The following ERMAP variants were observed in gnomAD, a reference collection of about 807,000 sequenced individuals.
ERMAP encodes erythroid membrane-associated protein.
A neutral mutation model predicts 49.5 loss-of-function variants in ERMAP; 34 were observed. The observed-to-expected ratio is 0.69, with a 90% CI of 0.52 to 0.91. The LOEUF is 0.91. Among genes scored for constraint, ERMAP ranks in the 40% least tolerant of loss-of-function variants. ERMAP has a pLI of 0.00. For synonymous variants in ERMAP, 214 were observed against 232.2 expected (o/e 0.92, Z 0.71); for missense variants, 541 against 582.6 (o/e 0.93, Z 0.74).
chr1:42,821,784 G>T (rs1024376168), intron 1 of ERMAP, among the ~76,000 whole-genome samples: 1 of 152,098 alleles, frequency 6.6e-6, no homozygotes, highest in South Asian at 2.1e-4. Context: ...GCCAAGGTGC[G>T]AGGATCACTT....
chr1:42,825,980 C>A (rs1654534147), intron 2 of ERMAP, among the ~76,000 whole-genome samples: 1 of 152,150 alleles, frequency 6.6e-6, no homozygotes, highest in Non-Finnish European at 1.5e-5. Context: ...TTAAAGCCAA[C>A]ATTTATTTAG....
intron 7 of ERMAP, among the ~76,000 whole-genome samples, 192 bp downstream of exon 7, chr1:42,837,382 A>C (rs1284362200): frequency 6.6e-6 from 1 of 152,158 alleles, no homozygotes; most frequent in Admixed American, 6.5e-5. Context: ...GCAGTGGGTA[A>C]GGAGGTGCCC....
At chr1:42,825,896 A>T in intron 2 of ERMAP, 158 bp downstream of exon 2, 1 of 884,838 alleles carries the variant, frequency 1.1e-6, no homozygotes, top group Non-Finnish European at 1.5e-6. Flanking sequence ...ACACAAAAGG[A>T]GACAAGTGAC....
intron 7 of ERMAP, among the ~76,000 whole-genome samples, chr1:42,838,148 C>T (rs1654955522): frequency 6.6e-6 from 1 of 152,162 alleles, no homozygotes; most frequent in Non-Finnish European, 1.5e-5. Context: ...GGATTCAGTG[C>T]CTACTTCAGT....
chr1:42,830,190 A>T (rs1029851700), intron 2 of ERMAP: 6 of 512,578 alleles, frequency 1.2e-5, no homozygotes, highest in Non-Finnish European at 1.8e-5. Flanking sequence ...GTGAGCATTT[A>T]CCTCTTTCAA....
chr1:42,822,847 C>T (rs1654439735), intron 1 of ERMAP, among the ~76,000 whole-genome samples: 1 of 152,036 alleles, frequency 6.6e-6, no homozygotes, highest in Non-Finnish European at 1.5e-5. Context: ...TTTTTAACAT[C>T]TAACTATGAG....
chr1:42,836,956 A>G, intron 6 of ERMAP: 1 of 538,564 alleles, frequency 1.9e-6, no homozygotes, highest in East Asian at 3.0e-5. Flanking sequence ...TTTAGTAGAG[A>G]CCAGAGGGAT....
chr1:42,820,084 A>G (rs1480601549), intron 1 of ERMAP, among the ~76,000 whole-genome samples: 3 of 152,166 alleles, frequency 2.0e-5, no homozygotes, highest in Non-Finnish European at 1.5e-5. Context: ...AGATTTCCAC[A>G]TTGGAAATTA....
Position 42,819,858 on chromosome 1 carries a change from G to T in ERMAP, c.-122+2605G>T, listed in dbSNP as rs1403269142. 6.6e-6 allele frequency among the ~76,000 whole-genome samples: 1 copy of T among 151,950 alleles called. No homozygotes were observed. The highest frequency in any genetic ancestry group is 1.5e-5 in the Non-Finnish European group (1 of 67,984). On this transcript the variant is annotated intron_variant, in intron 1 of 11. Coordinates refer to ENST00000372517, the MANE Select transcript of ERMAP (RefSeq NM_001017922.2). The surrounding 1 kb of genome is among the most constrained non-coding windows in gnomAD (Gnocchi z 5.1). ...CCTTGCTTCACAGCTCTTGTCCTAG[G>T]ATTAGGGACCTAACCACATTCTGGG...
At chr1:42,837,280 T>C in intron 7 of ERMAP, 90 bp downstream of exon 7, 2 of 1,380,604 alleles carry the variant, frequency 1.4e-6, no homozygotes. Context: ...TATAAGTCTA[T>C]TTTTATAATA....
chr1:42,842,939 C>T lies in ERMAP; in HGVS notation c.1135C>T (p.His379Tyr). ...TTTCTACAATGTGACCAACAAGTCC[C>T]ACATCTTTACTTTCACCCACAATTT... The part of the protein sequence containing the change: ...ISFYNVTNKS[H>Y]IFTFTHNFSG... The change falls in exon 12 of 12, where the codon CAC becomes TAC. Residue 379 changes from histidine (H) to tyrosine (Y), a missense_variant. His to Tyr is a moderately conservative substitution (Grantham distance 83). Coordinates refer to ENST00000372517, the MANE Select transcript of ERMAP (RefSeq NM_001017922.2). 1.2e-6 allele frequency: 2 copies of T among 1,614,194 alleles called. No individual in the cohort carries two copies. The highest frequency in any genetic ancestry group is 1.7e-5 in the Admixed American group (1 of 60,028).
chr1:42,844,665 C>T lies in ERMAP; in HGVS notation c.*1433C>T, dbSNP rs1655163379. 1 of 152,286 alleles carries T rather than the reference C, an allele frequency of 6.6e-6. No homozygotes were observed. Among genetic ancestry groups the T allele is most frequent in the Non-Finnish European group, 1.5e-5 (1 of 68,110 alleles). 9.4% of individuals were successfully genotyped at this position (152,286 alleles called of 1,614,324 possible). ...TTCAAGTCCGAAGGCAAGGAAAAAGCTGATGGTCCTGTCCAAAGGCTATTA... is the reference window on the plus strand; with the variant it reads ...TTCAAGTCCGAAGGCAAGGAAAAAGTTGATGGTCCTGTCCAAAGGCTATTA... On this transcript the variant is annotated 3_prime_UTR_variant, in exon 12 of 12. Coordinates refer to ENST00000372517, the MANE Select transcript of ERMAP (RefSeq NM_001017922.2). The surrounding 1 kb of genome is among the most constrained non-coding windows in gnomAD (Gnocchi z 4.0).
At chr1:42,824,740 C>T (rs1332756996) in intron 1 of ERMAP, 2 of 152,272 alleles carry the variant, frequency 1.3e-5, no homozygotes, top group East Asian at 1.9e-4. Flanking sequence ...TCGAATACAG[C>T]TCAGAGCTGA....
chr1:42,837,286 T>G, intron 7 of ERMAP, 96 bp downstream of exon 7: 1 of 1,351,740 alleles, frequency 7.4e-7, no homozygotes, highest in Non-Finnish European at 1.0e-6. Flanking sequence ...TCTATTTTTA[T>G]AATACTGTAC....
chr1:42,817,238 C>A lies in ERMAP; in HGVS notation c.-137C>A. 8.0e-7 allele frequency: 1 copy of A among 1,255,306 alleles called. No homozygotes were observed. Among genetic ancestry groups the A allele is most frequent in the Non-Finnish European group, 1.0e-6 (1 of 973,516 alleles). The allele number at this position is 1,255,306 out of a possible 1,614,324, so 77.8% of individuals were successfully genotyped here. A position where few individuals can be genotyped will look rare whatever the true frequency, so the allele number is the denominator to read the frequency against. ...GTTGGAGCCTCCGCCGAGTCGCAGA[C>A]AACGCCTCCGGGAGGGTAATCCTCG... On this transcript the variant is annotated 5_prime_UTR_variant, in exon 1 of 12. Coordinates refer to ENST00000372517, the MANE Select transcript of ERMAP (RefSeq NM_001017922.2).
At position 42,844,159 on chromosome 1, in the gene ERMAP, T is replaced by C. The variant is rs756952804; in HGVS notation, c.*927T>C. ...TTTTTTCCCCACAAGACCATTGTAC[T>C]GCAATACTTGAGTATTTGTGTAGCA... is the stretch of plus-strand genomic sequence containing the variant. On this transcript the variant is annotated 3_prime_UTR_variant, in exon 12 of 12. Transcript: ENST00000372517. This position sits in a 1 kb window ranked among gnomAD's most constrained non-coding sequence, Gnocchi z 4.0. The C allele has an allele frequency of 5.0e-6, 2 of 398,656 alleles. No individual in the cohort carries two copies. Among genetic ancestry groups the C allele is most frequent in the African/African-American group, 2.1e-5 (1 of 48,758 alleles). 24.7% of individuals were successfully genotyped at this position (398,656 alleles called of 1,614,324 possible). A position where few individuals can be genotyped will look rare whatever the true frequency, so the allele number is the denominator to read the frequency against.
At chr1:42,828,830 G>A (rs538180915) in intron 2 of ERMAP, among the ~76,000 whole-genome samples, 221 of 152,136 alleles carry the variant, frequency 1.5e-3, no homozygotes, top group African/African-American at 4.8e-3. Flanking sequence ...TTCATAGATT[G>A]TCTGAATCTT....
At chr1:42,818,346 A>G (rs540328533) in intron 1 of ERMAP, among the ~76,000 whole-genome samples, 2 of 152,382 alleles carry the variant, frequency 1.3e-5, no homozygotes, top group East Asian at 3.9e-4. Flanking sequence ...AGTCTAAGAA[A>G]CAGAAAGTAG....
In ERMAP at chr1:42,844,206, G is replaced by C. The variant is rs2124373015; in HGVS notation, c.*974G>C. 5.0e-6 allele frequency: 2 copies of C among 398,446 alleles called. No homozygotes were observed. Among genetic ancestry groups the C allele is most frequent in the Non-Finnish European group, 8.9e-6 (2 of 225,970 alleles). 24.7% of individuals were successfully genotyped at this position (398,446 alleles called of 1,614,324 possible). On this transcript the variant is annotated 3_prime_UTR_variant, in exon 12 of 12. Coordinates refer to ENST00000372517, the MANE Select transcript of ERMAP (RefSeq NM_001017922.2). The surrounding 1 kb of genome is among the most constrained non-coding windows in gnomAD (Gnocchi z 4.0). The stretch of plus-strand genomic sequence containing the variant: ...AGCAAACAGCCTCTTAGGTTGGAGA[G>C]TATTGATTTCAAATAGGAAGTTGGT...
Sources: gnomAD v4.1 joint callset for allele counts (sites outside exome capture counted in the v4.1 genomes callset) on GRCh38, gnomAD v4.1.1 for gene constraint, Gnocchi (gnomAD v3.1) non-coding constraint, MANE v1.5 for transcripts, NCBI Gene and HGNC (gene_info 2026-07-23, HGNC 2026-07-21) for gene names.